CFAP70: variants seen among roughly 807,000 people sequenced by gnomAD.
The protein encoded by CFAP70 is cilia- and flagella-associated protein 70.
CFAP70 carries 81 observed loss-of-function variants against 137.6 expected under a neutral mutation model. The observed-to-expected ratio is 0.59, with a 90% CI of 0.49 to 0.71. The LOEUF (loss-of-function observed/expected upper bound fraction) is 0.71. Among genes scored for constraint, CFAP70 ranks in the 30% least tolerant of loss-of-function variants. The pLI is 0.00. For missense variants in CFAP70, 976 were observed against 1,226.7 expected, an observed-to-expected ratio of 0.80 and a Z score of 3.05; for synonymous variants, 382 against 423.6, an observed-to-expected ratio of 0.90 and a Z score of 1.20.
intron 24 of CFAP70, among the ~76,000 whole-genome samples, chr10:73,272,473 AT>A (rs1477808928): frequency 6.6e-6 from 1 of 152,188 alleles, no homozygotes; most frequent in Non-Finnish European, 1.5e-5. Context: ...ACTGGAGGAA[AT>A]GAGGGAAGGT....
chr10:73,284,713 G>A (rs534914234), intron 19 of CFAP70, among the ~76,000 whole-genome samples: 115 of 92,450 alleles, frequency 1.2e-3, no homozygotes, highest in Middle Eastern at 0.015. Context: ...GCAAACTATA[G>A]CCTATGGGCC....
intron 12 of CFAP70, among the ~76,000 whole-genome samples, chr10:73,308,627 T>C (rs1231614598): frequency 2.0e-5 from 2 of 97,684 alleles, no homozygotes; most frequent in African/African-American, 9.1e-5. Flanking sequence ...AAACTCCGTC[T>C]CAAAAAAAAA....
intron 13 of CFAP70, 48 bp downstream of exon 14, chr10:73,299,557 C>CACTTGTTAATTGCATGG: frequency 1.4e-6 from 2 of 1,466,554 alleles, no homozygotes; most frequent in Non-Finnish European, 1.9e-6. Context: ...CAAGTGCATG[C>CACTTGTTAATTGCATGG]ACTCAATATC....
intron 9 of CFAP70, among the ~76,000 whole-genome samples, chr10:73,318,684 T>G (rs879799612): frequency 1.3e-5 from 2 of 152,216 alleles, no homozygotes; most frequent in Non-Finnish European, 2.9e-5. Flanking sequence ...AATGGCAGTT[T>G]CAGAATTCAA....
intron 21 of CFAP70, 174 bp downstream of exon 22, chr10:73,277,066 G>T: frequency 1.4e-6 from 1 of 693,230 alleles, no homozygotes; most frequent in Non-Finnish European, 2.2e-6. Flanking sequence ...CTGCTGCCAT[G>T]TGCAAAGAGT....
In CFAP70 at chr10:73,322,941, T is replaced by C. The variant is rs149141688; in HGVS notation, c.912+22A>G. ...TATAAAGGATAAATTACCATGATGA[T>C]TTTTATGCAATTTTTTCTTACCTTT... On this transcript the variant is annotated intron_variant, in intron 9 of 26. Transcript: ENST00000310715. The C allele has an allele frequency of 3.6e-4, 562 of 1,572,278 alleles. 5 individuals carry two copies. The African/African-American group carries it at 7.2e-3, about 20-fold the overall frequency.
intron 9 of CFAP70, among the ~76,000 whole-genome samples, chr10:73,321,279 G>A (rs1025760228): frequency 2.0e-5 from 3 of 152,078 alleles, no homozygotes; most frequent in African/African-American, 4.8e-5. Context: ...ATAGCCGGGC[G>A]TGGTAGCATG....
At chr10:73,346,475 A>C (rs1347849586) in intron 4 of CFAP70, among the ~76,000 whole-genome samples, 3 of 151,780 alleles carry the variant, frequency 2.0e-5, no homozygotes, top group Non-Finnish European at 4.4e-5. Flanking sequence ...ATCTCTACTA[A>C]AAGAGAAAAT....
intron 25 of CFAP70, among the ~76,000 whole-genome samples, chr10:73,268,439 T>C (rs117994359): frequency 4.6e-5 from 7 of 152,356 alleles, no homozygotes; most frequent in Non-Finnish European, 8.8e-5. Flanking sequence ...TGTCCTCTCA[T>C]TGTTAAGTGA....
rs893980194 is a variant in CFAP70 at position 73,291,216 on chromosome 10, C to G, written c.2239+10G>C. 4 of 1,613,462 alleles carry G rather than the reference C, an allele frequency of 2.5e-6. No homozygotes were observed. In the African/African-American group the frequency reaches 5.3e-5, roughly 22 times the overall value. The stretch of plus-strand genomic sequence containing the variant: ...AATAGCCACTCTTCACCTCTATTCC[C>G]TGGCTCTACCTGCTGGGGCTTCCAC... On this transcript the variant is annotated intron_variant, in intron 19 of 26. Coordinates refer to ENST00000310715, the Ensembl canonical transcript of CFAP70.
chr10:73,353,506 T>C, intron 3 of CFAP70, 50 bp downstream of exon 3: 2 of 1,506,784 alleles, frequency 1.3e-6, no homozygotes, highest in Non-Finnish European at 1.8e-6. Context: ...TCCAACATGA[T>C]AGGGAAGAAG....
chr10:73,256,066 CA>C (rs1463663371), intron 26 of CFAP70, among the ~76,000 whole-genome samples: 1 of 152,120 alleles, frequency 6.6e-6, no homozygotes, highest in Non-Finnish European at 1.5e-5. Flanking sequence ...ATGAAGCCCA[CA>C]ATATTATTAA....
chr10:73,316,324 T>C (rs1202312653), intron 9 of CFAP70, among the ~76,000 whole-genome samples: 1 of 151,430 alleles, frequency 6.6e-6, no homozygotes, highest in Non-Finnish European at 1.5e-5. Flanking sequence ...ACATATAATA[T>C]TATTGTTGAA....
intron 25 of CFAP70, among the ~76,000 whole-genome samples, chr10:73,266,713 A>G (rs1353549361): frequency 6.6e-6 from 1 of 152,160 alleles, no homozygotes; most frequent in Non-Finnish European, 1.5e-5. Flanking sequence ...TAGAATAAGA[A>G]TAGCCTATGA....
At chr10:73,299,331 C>T (rs1441992963) in intron 13 of CFAP70, among the ~76,000 whole-genome samples, 1 of 152,124 alleles carries the variant, frequency 6.6e-6, no homozygotes, top group Non-Finnish European at 1.5e-5. Flanking sequence ...CCTCAGCCTC[C>T]CTAGTAGCTG....
At chr10:73,342,572 TATAG>T (rs1391964529) in intron 5 of CFAP70, among the ~76,000 whole-genome samples, 2 of 151,816 alleles carry the variant, frequency 1.3e-5, no homozygotes, top group East Asian at 3.9e-4. Context: ...TAGAGAGATA[TATAG>T]ATAGATAAAG....
At position 73,275,801 on chromosome 10, in the gene CFAP70, T is replaced by A. The variant is rs1335583095; in HGVS notation, c.2521-203A>T. ...ACCAGCTATTCACCTAGTCACCAAA[T>A]GAAGACATTACCAAGTGAATAACTT... On this transcript the variant is annotated intron_variant, in intron 21 of 26. Transcript: ENST00000310715. This position sits in a 1 kb window ranked among gnomAD's most constrained non-coding sequence, Gnocchi z 4.0. 4 of 454,574 alleles carry A rather than the reference T, an allele frequency of 8.8e-6. No individual in the cohort carries two copies. Among genetic ancestry groups the A allele is most frequent in the Non-Finnish European group, 1.5e-5 (4 of 263,490 alleles). 28.2% of individuals were successfully genotyped at this position (454,574 alleles called of 1,614,324 possible).
At chr10:73,323,183 G>C in intron 8 of CFAP70, 86 bp from the exon 10 acceptor site, 1 of 1,300,238 alleles carries the variant, frequency 7.7e-7, no homozygotes. Flanking sequence ...TCAAAGGCCT[G>C]GTTTTAGAAA....
chr10:73,291,569 A>G, intron 18 of CFAP70, 71 bp downstream of exon 19: 1 of 1,500,924 alleles, frequency 6.7e-7, no homozygotes, highest in African/African-American at 1.4e-5. Flanking sequence ...GAGCCATTGA[A>G]GAAGAGAAAG....
Sources: gnomAD v4.1 joint callset for allele counts (sites outside exome capture counted in the v4.1 genomes callset) on GRCh38, gnomAD v4.1.1 for gene constraint, Gnocchi (gnomAD v3.1) non-coding constraint, MANE v1.5 for transcripts, NCBI Gene and HGNC (gene_info 2026-07-23, HGNC 2026-07-21) for gene names.